PROX2: variants seen among roughly 807,000 people sequenced by gnomAD.
PROX2 encodes prospero homeobox 2.
In PROX2, 46 loss-of-function variants were observed where a neutral mutation model predicts 48.9. The observed-to-expected ratio is 0.94, with a 90% CI of 0.74 to 1.20. The LOEUF is 1.20. Ranked by LOEUF, PROX2 falls within the 50% of genes most tolerant of loss-of-function variation. The probability of loss-of-function intolerance (pLI) is 0.00; values close to 1 mark genes in which losing one functional copy is unlikely to be tolerated. For missense variants in PROX2, 663 were observed against 719.4 expected (o/e 0.92, Z 0.90); for synonymous variants, 260 against 276.6 (o/e 0.94, Z 0.60).
chr14:74,858,039 G>T (rs1191913285), intron 4 of PROX2: 1 of 164,198 alleles, frequency 6.1e-6, no homozygotes, highest in Admixed American at 6.1e-5. Context: ...TGGGATTAGA[G>T]GCATGAGCCA....
At chr14:74,874,250 A>ATTT in intron 1 of PROX2, 1 of 323,480 alleles carries the variant, frequency 3.1e-6, no homozygotes, top group South Asian at 2.6e-5. Context: ...GCATCATACA[A>ATTT]GTTTTTTTTT....
At chr14:74,873,897 T>C in intron 1 of PROX2, 1 of 456,098 alleles carries the variant, frequency 2.2e-6, no homozygotes, top group South Asian at 1.6e-5. Flanking sequence ...AACTGCAGTG[T>C]GAGGAGCAGG....
chr14:74,875,338 C>T (rs1462151907), intron 1 of PROX2, among the ~76,000 whole-genome samples: 2 of 152,120 alleles, frequency 1.3e-5, no homozygotes, highest in East Asian at 1.9e-4. Flanking sequence ...CATGACATGC[C>T]TTTACTTTAT....
At chr14:74,872,171 A>G (rs1435987056) in intron 1 of PROX2, among the ~76,000 whole-genome samples, 4 of 152,238 alleles carry the variant, frequency 2.6e-5, no homozygotes, top group African/African-American at 7.2e-5. Flanking sequence ...TCCTTAGGTA[A>G]AAGGTACCTC....
chr14:74,872,639 CTCAAAG>C (rs1232568782), intron 1 of PROX2, among the ~76,000 whole-genome samples: 1 of 152,234 alleles, frequency 6.6e-6, no homozygotes, highest in South Asian at 2.1e-4. Flanking sequence ...GGTAGCACAT[CTCAAAG>C]TCACATAGCG....
intron 2 of PROX2, among the ~76,000 whole-genome samples, chr14:74,867,997 G>A (rs1376697057): frequency 6.6e-6 from 1 of 152,126 alleles, no homozygotes; most frequent in African/African-American, 2.4e-5. Flanking sequence ...TGAGGCCGGC[G>A]TGCTGCCCAC....
At chr14:74,859,472 T>A (rs1463411379) in intron 3 of PROX2, 2 of 152,184 alleles carry the variant, frequency 1.3e-5, no homozygotes, top group African/African-American at 2.4e-5. Context: ...TCCATACACA[T>A]ATATGGAAAT....
chr14:74,870,441 T>TACACACACACACACACACACACAC lies in PROX2; in HGVS notation c.-175+638_-175+661dup, dbSNP rs10525556. ...GCCTGCCTCAAAAAAAAAAAAAAAA[T>TACACACACACACACACACACACAC]ACACACACACACACACACACACACA... On this transcript the variant is annotated intron_variant, in intron 2 of 5. Transcript: ENST00000556489. Among the ~76,000 whole-genome samples, 688 of 110,876 alleles carry TACACACACACACACACACACACAC rather than the reference T, an allele frequency of 6.2e-3. 20 individuals carry two copies. Among genetic ancestry groups the TACACACACACACACACACACACAC allele is most frequent in the African/African-American group, 0.018 (424 of 24,074 alleles). 72.7% of individuals were successfully genotyped at this position (110,876 alleles called of 152,430 possible). A position where few individuals can be genotyped will look rare whatever the true frequency, so the allele number is the denominator to read the frequency against.
intron 3 of PROX2, chr14:74,861,128 G>T: frequency 9.7e-7 from 1 of 1,027,464 alleles, no homozygotes; most frequent in Non-Finnish European, 1.4e-6. Flanking sequence ...ACAAAGGCAG[G>T]TTCTGGCATG....
At chr14:74,875,244 G>C (rs545086407) in intron 1 of PROX2, among the ~76,000 whole-genome samples, 1 of 152,314 alleles carries the variant, frequency 6.6e-6, no homozygotes, top group East Asian at 1.9e-4. Context: ...TTAGCTTTGC[G>C]AAAAACTCTT....
At chr14:74,867,275 T>G (rs1382111506) in intron 2 of PROX2, among the ~76,000 whole-genome samples, 3 of 152,214 alleles carry the variant, frequency 2.0e-5, no homozygotes, top group Non-Finnish European at 4.4e-5. Flanking sequence ...CCTCAACAAT[T>G]GCCTGTGTCC....
At chr14:74,874,250 A>AG in intron 1 of PROX2, 1 of 323,484 alleles carries the variant, frequency 3.1e-6, no homozygotes, top group Non-Finnish European at 5.9e-6. Context: ...GCATCATACA[A>AG]GTTTTTTTTT....
chr14:74,856,695 G>T, intron 5 of PROX2, 106 bp downstream of exon 5: 2 of 965,758 alleles, frequency 2.1e-6, no homozygotes, highest in Non-Finnish European at 1.5e-6. Context: ...GGCTGCCCTG[G>T]CTCTCAGTAA....
chr14:74,871,290 CT>C (rs1217432550), intron 1 of PROX2, 53 bp from the exon 2 acceptor site: 1 of 151,564 alleles, frequency 6.6e-6, no homozygotes, highest in African/African-American at 2.4e-5. Flanking sequence ...AAAAACTGCA[CT>C]TTTTTCTCAT....
intron 1 of PROX2, among the ~76,000 whole-genome samples, chr14:74,873,131 G>GCC (rs1430097601): frequency 6.6e-6 from 1 of 151,976 alleles, no homozygotes; most frequent in African/African-American, 2.4e-5. Flanking sequence ...CTACAGGCAC[G>GCC]TGCCACCATG....
At chr14:74,875,544 C>T (rs758096516) in intron 1 of PROX2, among the ~76,000 whole-genome samples, 2 of 152,336 alleles carry the variant, frequency 1.3e-5, no homozygotes, top group South Asian at 4.1e-4. Context: ...GCATATTCTG[C>T]GTTTCAGCTT....
chr14:74,867,298 C>T (rs1268223840), intron 2 of PROX2, among the ~76,000 whole-genome samples: 1 of 152,160 alleles, frequency 6.6e-6, no homozygotes, highest in Non-Finnish European at 1.5e-5. Context: ...CTGTCCTGGA[C>T]TTTGTGTTCA....
Position 74,858,843 on chromosome 14 carries a change from TGTGTGTG to T in PROX2, c.1306-336_1306-330del, listed in dbSNP as rs1447255185. On this transcript the variant is annotated intron_variant, in intron 3 of 5. Coordinates refer to ENST00000556489, the MANE Select transcript of PROX2 (RefSeq NM_001243007.2). ...AGATGTCAAATACAGGTTGGTGTAT[TGTGTGTG>T]TGTGTGTGTGTGTGTGTGTGTGTGT... 134 of 25,362 alleles carry T rather than the reference TGTGTGTG, an allele frequency of 5.3e-3. 2 individuals carry two copies. Among genetic ancestry groups the T allele is most frequent in the African/African-American group, 0.018 (128 of 7,242 alleles). 1.6% of individuals were successfully genotyped at this position (25,362 alleles called of 1,614,324 possible). A position where few individuals can be genotyped will look rare whatever the true frequency, so the allele number is the denominator to read the frequency against.
intron 3 of PROX2, chr14:74,861,256 T>G (rs1222246745): frequency 3.0e-6 from 4 of 1,348,866 alleles, no homozygotes; most frequent in Admixed American, 1.9e-5. Context: ...GAGATTCCCC[T>G]CAAAGCTGCA....
Sources: gnomAD v4.1 joint callset for allele counts (sites outside exome capture counted in the v4.1 genomes callset) on GRCh38, gnomAD v4.1.1 for gene constraint, MANE v1.5 for transcripts, NCBI Gene and HGNC (gene_info 2026-07-23, HGNC 2026-07-21) for gene names.